Variants in ATP6V0A2 observed in about 807,000 individuals in gnomAD.
ATP6V0A2 encodes ATPase H+ transporting V0 subunit a2, also known as V-type proton ATPase 116 kDa subunit a 2.
Under a neutral mutation model 104.4 loss-of-function variants are expected in ATP6V0A2, and 58 were observed. That is an observed-to-expected ratio of 0.56 (90% CI 0.45 to 0.69). ATP6V0A2 has a LOEUF of 0.69. Among genes scored for constraint, ATP6V0A2 ranks in the 30% least tolerant of loss-of-function variants. The probability of loss-of-function intolerance (pLI) is 0.00; values close to 1 mark genes in which losing one functional copy is unlikely to be tolerated. For synonymous variants in ATP6V0A2, 376 were observed against 397.9 expected (o/e 0.95, Z 0.65); for missense variants, 938 against 1,062.9 (o/e 0.88, Z 1.63).
At chr12:123,739,979 A>G (rs1956592531) in intron 9 of ATP6V0A2, among the ~76,000 whole-genome samples, 1 of 152,134 alleles carries the variant, frequency 6.6e-6, no homozygotes, top group South Asian at 2.1e-4. Context: ...AGCCTGGGCA[A>G]CATGGTTAAA....
intron 6 of ATP6V0A2, among the ~76,000 whole-genome samples, chr12:123,730,204 G>A (rs903821101): frequency 3.3e-5 from 5 of 151,890 alleles, no homozygotes; most frequent in East Asian, 3.9e-4. Context: ...ACAGGAGGCC[G>A]CCACCGCTCC....
chr12:123,752,924 C>T (rs927078877), intron 17 of ATP6V0A2, among the ~76,000 whole-genome samples: 1 of 152,184 alleles, frequency 6.6e-6, no homozygotes, highest in African/African-American at 2.4e-5. Flanking sequence ...ACCATGGTCA[C>T]AAGTTGCCCT....
intron 3 of ATP6V0A2, among the ~76,000 whole-genome samples, chr12:123,722,816 T>C (rs770324758): frequency 6.6e-5 from 10 of 152,054 alleles, no homozygotes; most frequent in Non-Finnish European, 1.0e-4. Context: ...TGCCTCTTCT[T>C]GTGCAAGGAA....
chr12:123,727,344 A>G (rs1956457896), intron 5 of ATP6V0A2, among the ~76,000 whole-genome samples: 1 of 149,928 alleles, frequency 6.7e-6, no homozygotes, highest in South Asian at 2.1e-4. Context: ...GCTAGAGTGC[A>G]GTGGCCCTCT....
chr12:123,756,721 A>G, intron 18 of ATP6V0A2, 94 bp from the exon 19 acceptor site: 1 of 1,329,550 alleles, frequency 7.5e-7, no homozygotes, highest in Non-Finnish European at 1.1e-6. Flanking sequence ...ATAATAGTTC[A>G]GGGCCGTCAG....
chr12:123,741,780 ATAT>A (rs1956611919), intron 9 of ATP6V0A2, among the ~76,000 whole-genome samples: 2 of 152,236 alleles, frequency 1.3e-5, no homozygotes, highest in South Asian at 4.1e-4. Context: ...AGGAGATTCT[ATAT>A]TATTACACAA....
chr12:123,735,159 GTGTGTGTCTGTGTGTGTCTGT>G (rs1265577684), intron 7 of ATP6V0A2, among the ~76,000 whole-genome samples: 5 of 146,836 alleles, frequency 3.4e-5, no homozygotes, highest in Non-Finnish European at 1.5e-5. Flanking sequence ...GTGTGTGTGT[GTGTGTGTCTGTGTGTGTCTGT>G]TGTGTGTCTG....
At chr12:123,727,486 A>T (rs1956459373) in intron 5 of ATP6V0A2, among the ~76,000 whole-genome samples, 1 of 152,016 alleles carries the variant, frequency 6.6e-6, no homozygotes, top group Non-Finnish European at 1.5e-5. Context: ...AGCATCTTGG[A>T]CAGGCTGGTT....
intron 13 of ATP6V0A2, among the ~76,000 whole-genome samples, chr12:123,746,748 A>T (rs764237235): frequency 1.5e-4 from 22 of 151,678 alleles, no homozygotes; most frequent in Non-Finnish European, 2.6e-4. Flanking sequence ...GGAGTTTGAG[A>T]CCAGTTTGGC....
At chr12:123,750,845 C>G in intron 15 of ATP6V0A2, 1 of 470,500 alleles carries the variant, frequency 2.1e-6, no homozygotes, top group South Asian at 2.1e-5. Flanking sequence ...GAGTTTGACT[C>G]TCTTTAGAAT....
chr12:123,730,109 C>T (rs1956487855), intron 6 of ATP6V0A2, among the ~76,000 whole-genome samples: 1 of 131,966 alleles, frequency 7.6e-6, no homozygotes, highest in African/African-American at 3.0e-5. Context: ...GGCTGGAGTG[C>T]AGTGGCGCGA....
chr12:123,738,142 C>T (rs1468805640), intron 9 of ATP6V0A2, among the ~76,000 whole-genome samples: 10 of 152,140 alleles, frequency 6.6e-5, no homozygotes, highest in African/African-American at 1.7e-4. Flanking sequence ...CGGTGGCTCA[C>T]GCCTGTAACC....
intron 5 of ATP6V0A2, among the ~76,000 whole-genome samples, chr12:123,727,365 G>A (rs78346008): frequency 4.0e-5 from 6 of 150,292 alleles, no homozygotes; most frequent in Admixed American, 2.7e-4. Context: ...AGCAACCTCC[G>A]CCTCCCAGGT....
At position 123,744,645 on chromosome 12, in the gene ATP6V0A2, C is replaced by A. The variant is rs1237294377; in HGVS notation, c.1375C>A (p.Leu459Met). The part of the protein sequence containing the change: ...NGRYILLLMG[L>M]FSVYTGLIYN... The stretch of plus-strand genomic sequence containing the variant: ...CCGGTACATCCTCCTGCTGATGGGG[C>A]TGTTCTCAGTGTACACTGGCCTCAT... Residue 459 changes from leucine (L) to methionine (M), a missense_variant, in exon 12 of 20, where the codon CTG becomes ATG. Coordinates refer to ENST00000330342, the MANE Select transcript of ATP6V0A2 (RefSeq NM_012463.4). This position sits in a 1 kb window ranked among gnomAD's most constrained non-coding sequence, Gnocchi z 5.4. 6.2e-7 allele frequency: 1 copy of A among 1,613,708 alleles called. No individual in the cohort carries two copies. The highest frequency in any genetic ancestry group is 8.5e-7 in the Non-Finnish European group (1 of 1,180,038).
In ATP6V0A2 at chr12:123,729,322, G is replaced by GTTTTTTTTTTTTTTTTTTTTTTT. The variant is rs71308012; in HGVS notation, c.648+1424_648+1425insTTTTTTTTTTTTTTTTTTTTTTT. Among the ~76,000 whole-genome samples, 10 of 113,894 alleles carry GTTTTTTTTTTTTTTTTTTTTTTT rather than the reference G, an allele frequency of 8.8e-5. 3 individuals carry two copies. The highest frequency in any genetic ancestry group is 2.0e-4 in the African/African-American group (6 of 29,778). 74.7% of individuals were successfully genotyped at this position (113,894 alleles called of 152,430 possible). ...AATCAACTGTTTCTTCAAGGAGGCTGTTTTTTTTTTTGAGTGCAAATCTTG... is the reference window on the plus strand; with the variant it reads ...AATCAACTGTTTCTTCAAGGAGGCTGTTTTTTTTTTTTTTTTTTTTTTTTTTTTTTTTTTGAGTGCAAATCTTG... On this transcript the variant is annotated intron_variant, in intron 6 of 19. Coordinates refer to ENST00000330342, the MANE Select transcript of ATP6V0A2 (RefSeq NM_012463.4).
intron 6 of ATP6V0A2, chr12:123,733,176 G>T (rs1034436453): frequency 6.6e-6 from 1 of 152,140 alleles, no homozygotes; most frequent in Non-Finnish European, 1.5e-5. Flanking sequence ...AGCTGAGTGT[G>T]GTGGTGCATG....
intron 17 of ATP6V0A2, among the ~76,000 whole-genome samples, chr12:123,753,801 A>G (rs1354970053): frequency 1.3e-5 from 2 of 152,266 alleles, no homozygotes; most frequent in Non-Finnish European, 2.9e-5. Context: ...TGAGGACCAA[A>G]CAAAATGTCT....
chr12:123,716,914 C>A (rs1332282249), intron 1 of ATP6V0A2, among the ~76,000 whole-genome samples: 1 of 152,174 alleles, frequency 6.6e-6, no homozygotes, highest in African/African-American at 2.4e-5. Context: ...CCCCACCCCC[C>A]CAGCACCCAC....
At chr12:123,712,800 C>T in intron 1 of ATP6V0A2, 118 bp downstream of exon 1, 1 of 898,952 alleles carries the variant, frequency 1.1e-6, no homozygotes, top group South Asian at 1.4e-5. Context: ...TCCCCATTGT[C>T]CAGACGGGGA....
Sources: gnomAD v4.1 joint callset for allele counts (sites outside exome capture counted in the v4.1 genomes callset) on GRCh38, gnomAD v4.1.1 for gene constraint, Gnocchi (gnomAD v3.1) non-coding constraint, MANE v1.5 for transcripts, NCBI Gene and HGNC (gene_info 2026-07-23, HGNC 2026-07-21) for gene names.